Variants in GRAMD4 observed in about 807,000 individuals in gnomAD.
GRAMD4 encodes the protein GRAM domain containing 4.
In GRAMD4, 25 loss-of-function variants were observed where a neutral mutation model predicts 83.9. The ratio of observed to expected loss-of-function variants is 0.30; its 90% CI spans 0.22 to 0.42. GRAMD4 has a LOEUF of 0.42. Among genes scored for constraint, GRAMD4 ranks in the 10% least tolerant of loss-of-function variants. The pLI, the probability that GRAMD4 is intolerant of heterozygous loss-of-function variation, is 1.00. For missense variants in GRAMD4, 593 were observed against 788.7 expected (o/e 0.75, Z 2.97); for synonymous variants, 336 against 320.9 (o/e 1.05, Z -0.50).
chr22:46,596,703 A>T (rs2081265398), intron 1 of GRAMD4, among the ~76,000 whole-genome samples: 1 of 152,134 alleles, frequency 6.6e-6, no homozygotes, highest in African/African-American at 2.4e-5. Flanking sequence ...GGCACATGCC[A>T]CCACACCCAG....
chr22:46,639,869 G>A (rs919757137), intron 3 of GRAMD4, among the ~76,000 whole-genome samples: 3 of 152,204 alleles, frequency 2.0e-5, no homozygotes, highest in African/African-American at 7.2e-5. Flanking sequence ...CATAGAGCCA[G>A]CTTGGGCAGA....
chr22:46,584,626 A>G (rs766174727), intron 1 of GRAMD4, among the ~76,000 whole-genome samples: 20 of 152,078 alleles, frequency 1.3e-4, no homozygotes, highest in Admixed American at 5.2e-4. Flanking sequence ...GCAGTTCCCG[A>G]TCCCTTGGCT....
At position 46,677,210 on chromosome 22, in the gene GRAMD4, A is replaced by T. The variant is rs2082612077; in HGVS notation, c.1696A>T (p.Ile566Phe). The T allele has an allele frequency of 6.2e-7, 1 of 1,613,764 alleles. No individual in the cohort carries two copies. Among genetic ancestry groups the T allele is most frequent in the Non-Finnish European group, 8.5e-7 (1 of 1,179,906 alleles). The stretch of plus-strand genomic sequence containing the variant: ...CTTCGAGACCATTCTCAGCCAGTAC[A>T]TCAAGATCACCTCAGCGGCAGCGTC... ...EAFETILSQY[I>F]KITSAAASGG... is the part of the protein sequence containing the mutation. Residue 566 changes from isoleucine to phenylalanine, a missense_variant, in exon 19 of 19, where the codon ATC (isoleucine) becomes TTC (phenylalanine). By Grantham distance (21) the Ile-to-Phe change is conservative. Transcript: ENST00000406902.
chr22:46,595,872 C>T (rs974684645), intron 1 of GRAMD4, among the ~76,000 whole-genome samples: 1 of 152,234 alleles, frequency 6.6e-6, no homozygotes. Context: ...GTTTCTGTAC[C>T]CTGGCCACCT....
At chr22:46,660,314 G>T (rs868139842) in intron 4 of GRAMD4, among the ~76,000 whole-genome samples, 1 of 152,170 alleles carries the variant, frequency 6.6e-6, no homozygotes, top group African/African-American at 2.4e-5. Context: ...ACATGGGGGC[G>T]GCGCTTAGGA....
Position 46,592,002 on chromosome 22 carries a change from A to T in GRAMD4, c.-50+14712A>T, listed in dbSNP as rs2081214740. Among the ~76,000 whole-genome samples, 5 of 150,056 alleles carry T rather than the reference A, an allele frequency of 3.3e-5. No individual in the cohort carries two copies. In the South Asian group the frequency reaches 8.4e-4, roughly 25 times the overall value. On this transcript the variant is annotated intron_variant, in intron 1 of 1. Coordinates refer to the GRAMD4 transcript ENST00000431155. The stretch of plus-strand genomic sequence containing the variant: ...CCTCCTGTGCCTGCAGGCTTGACAC[A>T]GCAAGGCCCTCCCTCTCGCCCCCAA...
At position 46,627,832 on chromosome 22, in the gene GRAMD4, C is replaced by T. The variant is rs148023394; in HGVS notation, c.162+871C>T. 8.7e-4 allele frequency among the ~76,000 whole-genome samples: 133 copies of T among 152,348 alleles called. 1 individual carries two copies. The highest frequency in any genetic ancestry group is 2.6e-3 in the African/African-American group (110 of 41,584). On this transcript the variant is annotated intron_variant, in intron 2 of 18. Coordinates refer to ENST00000406902, the MANE Select transcript of GRAMD4 (RefSeq NM_015124.5). ...TAATTTACTGCTGCTGCTGCTCTCTCGACACTGCCCGATCAGGCAGGTGGG... is the reference window on the plus strand; with the variant it reads ...TAATTTACTGCTGCTGCTGCTCTCTTGACACTGCCCGATCAGGCAGGTGGG...
At chr22:46,643,199 C>G (rs1455369930) in intron 3 of GRAMD4, among the ~76,000 whole-genome samples, 7 of 109,448 alleles carry the variant, frequency 6.4e-5, no homozygotes, top group South Asian at 3.4e-4. Context: ...ATCCATCCAT[C>G]CATCTATCCA....
chr22:46,677,060 G>A (rs1230504414), intron 18 of GRAMD4, 87 bp from the exon 19 acceptor site: 3 of 1,506,306 alleles, frequency 2.0e-6, no homozygotes, highest in African/African-American at 2.8e-5. Context: ...GTGCTGGCCT[G>A]GGGCTGGTGT....
chr22:46,593,872 C>T (rs1407557258), intron 1 of GRAMD4, among the ~76,000 whole-genome samples: 1 of 151,872 alleles, frequency 6.6e-6, no homozygotes, highest in Non-Finnish European at 1.5e-5. Flanking sequence ...TACAGGCGTG[C>T]ACCACCACCC....
chr22:46,616,244 A>G (rs1204527038), upstream of GRAMD4, among the ~76,000 whole-genome samples: 1 of 32,510 alleles, frequency 3.1e-5, no homozygotes. Flanking sequence ...CTGTGCGTGT[A>G]GGTTCCCCCG....
chr22:46,653,939 A>G lies in GRAMD4; in HGVS notation c.284-4248A>G, dbSNP rs1488866216. On this transcript the variant is annotated intron_variant, in intron 3 of 18. Coordinates refer to ENST00000406902, the MANE Select transcript of GRAMD4 (RefSeq NM_015124.5). ...AGTCACTGCCACAACATGAAGACAGAGGCATGAGATGGAAACACCCCGTGG... is the reference window on the plus strand; with the variant it reads ...AGTCACTGCCACAACATGAAGACAGGGGCATGAGATGGAAACACCCCGTGG... 4.6e-5 allele frequency among the ~76,000 whole-genome samples: 7 copies of G among 152,166 alleles called. No individual in the cohort carries two copies. The East Asian group carries it at 1.3e-3, about 29-fold the overall frequency.
intron 14 of GRAMD4, 55 bp downstream of exon 14, chr22:46,673,052 C>T (rs1375595141): frequency 1.4e-6 from 2 of 1,411,912 alleles, no homozygotes; most frequent in Admixed American, 2.2e-5. Context: ...CGAAGCCGGG[C>T]ATCCCCAGGC....
rs766586585 is a variant in GRAMD4 at position 46,674,699 on chromosome 22, G to A, written c.1427G>A (p.Arg476Gln). The A allele has an allele frequency of 1.9e-6, 3 of 1,613,020 alleles. No homozygotes were observed. The highest frequency in any genetic ancestry group is 1.7e-6 in the Non-Finnish European group (2 of 1,179,614). ...CGCTGCTGCCTCATCAACAGGGACC[G>A]GAAGATGCCCACGGACTACATCAGG... Reference protein sequence around the residue: ...GWRCCLINRDRKMPTDYIRNG... With the variant: ...GWRCCLINRDQKMPTDYIRNG... The change falls in exon 16 of 19, where the codon CGG becomes CAG. Residue 476 changes from arginine (R) to glutamine (Q), a missense_variant. By Grantham distance (43) the Arg-to-Gln change is conservative (BLOSUM62 1). This residue lies in a region of GRAMD4 where 74 missense variants were observed against 152.7 expected (regional missense o/e 0.48). Coordinates refer to ENST00000406902, the MANE Select transcript of GRAMD4 (RefSeq NM_015124.5).
intron 11 of GRAMD4, 43 bp from the exon 12 acceptor site, chr22:46,668,646 C>G (rs1295032340): frequency 6.3e-7 from 1 of 1,592,708 alleles, no homozygotes; most frequent in African/African-American, 1.3e-5. Context: ...ACTGACAGCC[C>G]AGGAGCGGGG....
chr22:46,649,528 G>T (rs1250468296), intron 3 of GRAMD4, among the ~76,000 whole-genome samples: 1 of 152,162 alleles, frequency 6.6e-6, no homozygotes, highest in African/African-American at 2.4e-5. Flanking sequence ...TATTTGACGT[G>T]GTAAAAATGT....
intron 3 of GRAMD4, among the ~76,000 whole-genome samples, 192 bp downstream of exon 3, chr22:46,638,152 T>G (rs1030607610): frequency 4.6e-5 from 7 of 152,198 alleles, no homozygotes; most frequent in Admixed American, 4.6e-4. Context: ...AGCCTCTGTC[T>G]CTGTGTTTGA....
chr22:46,634,609 G>C (rs1249474468), intron 2 of GRAMD4, among the ~76,000 whole-genome samples: 1 of 152,196 alleles, frequency 6.6e-6, no homozygotes, highest in Non-Finnish European at 1.5e-5. Context: ...CAAGCAGGTA[G>C]TGCGTGGCCA....
At chr22:46,666,695 A>G (rs1006454768) in intron 9 of GRAMD4, 130 bp from the exon 10 acceptor site, 18 of 753,378 alleles carry the variant, frequency 2.4e-5, no homozygotes, top group South Asian at 4.4e-5. Flanking sequence ...TTTTCTCCCC[A>G]TTGGGCAGCA....
Sources: allele counts gnomAD v4.1 joint callset (sites outside exome capture counted in the v4.1 genomes callset), GRCh38; gene constraint gnomAD v4.1.1; regional missense constraint gnomAD v4.1.1; transcripts MANE v1.5; gene names NCBI Gene and HGNC (gene_info 2026-07-23, HGNC 2026-07-21).